LRP1B: variants seen among roughly 807,000 people sequenced by gnomAD.
LRP1B encodes low-density lipoprotein receptor-related protein 1B.
A neutral mutation model predicts 556.6 loss-of-function variants in LRP1B; 217 were observed. The ratio of observed to expected loss-of-function variants is 0.39; its 90% CI spans 0.35 to 0.44. The LOEUF (loss-of-function observed/expected upper bound fraction) is 0.44, where lower values mean the gene tolerates loss of function less well. Ranked by LOEUF, LRP1B falls within the 20% of genes least tolerant of loss-of-function variation. The probability of loss-of-function intolerance (pLI) is 1.00; values close to 1 mark genes in which losing one functional copy is unlikely to be tolerated. For missense variants in LRP1B, 5,053 were observed against 5,620.8 expected, an observed-to-expected ratio of 0.90 and a Z score of 3.23; for synonymous variants, 2,047 against 1,865.8, an observed-to-expected ratio of 1.10 and a Z score of -2.50.
At chr2:140,349,823 A>G (rs1349979256) in intron 77 of LRP1B, among the ~76,000 whole-genome samples, 1 of 152,148 alleles carries the variant, frequency 6.6e-6, no homozygotes, top group African/African-American at 2.4e-5. Flanking sequence ...ATGGATTTTT[A>G]CTCAAAGGTT....
intron 7 of LRP1B, 62 bp from the exon 8 acceptor site, chr2:141,062,335 C>T (rs1699359070): frequency 2.7e-6 from 3 of 1,107,796 alleles, no homozygotes; most frequent in Non-Finnish European, 3.9e-6. Context: ...TTTGATGGAG[C>T]CATCTGTAAA....
intron 51 of LRP1B, among the ~76,000 whole-genome samples, chr2:140,512,123 G>T (rs1373945477): frequency 6.6e-6 from 1 of 152,100 alleles, no homozygotes; most frequent in Non-Finnish European, 1.5e-5. Flanking sequence ...AAAGAGCCCC[G>T]ATTTGGCAGT....
chr2:141,046,391 G>A (rs1698870564), intron 11 of LRP1B, among the ~76,000 whole-genome samples: 1 of 152,052 alleles, frequency 6.6e-6, no homozygotes, highest in Non-Finnish European at 1.5e-5. Flanking sequence ...GTTGTCATTT[G>A]CCAAATCTAA....
chr2:142,096,409 A>G lies in LRP1B; in HGVS notation c.82+34239T>C, dbSNP rs1706369755. ...GGAGCAAGGTAAAGCTGTCACTTTC[A>G]TTATTCACATGACCACGAAAATAAA... On this transcript the variant is annotated intron_variant, in intron 1 of 90. Coordinates refer to ENST00000389484, the MANE Select transcript of LRP1B (RefSeq NM_018557.3). 2.0e-5 allele frequency among the ~76,000 whole-genome samples: 3 copies of G among 151,102 alleles called. No homozygotes were observed. The South Asian group carries it at 6.2e-4, about 31-fold the overall frequency.
intron 84 of LRP1B, among the ~76,000 whole-genome samples, chr2:140,291,490 G>A (rs1430844053): frequency 6.6e-6 from 1 of 151,154 alleles, no homozygotes; most frequent in African/African-American, 2.4e-5. Flanking sequence ...GCCCCGGTGT[G>A]TGATGTTCCC....
At chr2:140,867,177 G>T (rs570570142) in intron 27 of LRP1B, among the ~76,000 whole-genome samples, 1 of 152,106 alleles carries the variant, frequency 6.6e-6, no homozygotes, top group African/African-American at 2.4e-5. Context: ...GAACCAAAAG[G>T]TGAAATACGG....
chr2:140,448,478 A>G (rs1475973390), intron 63 of LRP1B, among the ~76,000 whole-genome samples: 1 of 152,114 alleles, frequency 6.6e-6, no homozygotes, highest in Non-Finnish European at 1.5e-5. Flanking sequence ...CCTGGAGGAC[A>G]TTATTTTATG....
At chr2:141,206,067 T>C (rs1008063827) in intron 6 of LRP1B, among the ~76,000 whole-genome samples, 2 of 151,970 alleles carry the variant, frequency 1.3e-5, no homozygotes, top group Non-Finnish European at 2.9e-5. Context: ...AGGAAAGATA[T>C]GAAATTGTCA....
intron 3 of LRP1B, among the ~76,000 whole-genome samples, chr2:141,413,991 G>A (rs1044508054): frequency 5.3e-5 from 8 of 152,130 alleles, no homozygotes; most frequent in Admixed American, 2.0e-4. Flanking sequence ...AGCACTTTGG[G>A]AGGCTGAGGT....
At chr2:141,655,408 A>G (rs1381898245) in intron 2 of LRP1B, among the ~76,000 whole-genome samples, 1 of 152,152 alleles carries the variant, frequency 6.6e-6, no homozygotes, top group Non-Finnish European at 1.5e-5. Context: ...TAAATAAAAA[A>G]CTTCCAATTT....
At chr2:141,006,861 T>C (rs1697590646) in intron 14 of LRP1B, among the ~76,000 whole-genome samples, 1 of 151,876 alleles carries the variant, frequency 6.6e-6, no homozygotes. Context: ...ACAGTAAAAA[T>C]ACATTATTAT....
At chr2:141,426,294 A>G (rs1473686835) in intron 3 of LRP1B, among the ~76,000 whole-genome samples, 4 of 151,950 alleles carry the variant, frequency 2.6e-5, no homozygotes, top group Non-Finnish European at 5.9e-5. Context: ...CTGTTTTGGT[A>G]CCAGTACCAT....
intron 3 of LRP1B, among the ~76,000 whole-genome samples, chr2:141,459,499 G>C (rs1681773387): frequency 6.6e-6 from 1 of 152,016 alleles, no homozygotes; most frequent in African/African-American, 2.4e-5. Context: ...AGTTGGAGAA[G>C]GAAGCAAGGT....
intron 1 of LRP1B, among the ~76,000 whole-genome samples, chr2:142,022,858 G>A (rs926180430): frequency 4.6e-5 from 7 of 151,880 alleles, no homozygotes; most frequent in Admixed American, 1.3e-4. Flanking sequence ...TTTTTTTTTA[G>A]TAGAGTCGGG....
intron 7 of LRP1B, among the ~76,000 whole-genome samples, chr2:141,074,589 C>A (rs201528225): frequency 0.048 from 6,601 of 136,426 alleles, 195 homozygotes; most frequent in Middle Eastern, 0.096. Flanking sequence ...CTCTCTCTCT[C>A]TATATATATA....
At chr2:140,374,201 A>G (rs1683121488) in intron 68 of LRP1B, among the ~76,000 whole-genome samples, 1 of 152,176 alleles carries the variant, frequency 6.6e-6, no homozygotes, top group African/African-American at 2.4e-5. Flanking sequence ...TTGAAGTGGA[A>G]TACTCTAATG....
chr2:140,320,002 G>C (rs1411276189), intron 82 of LRP1B, among the ~76,000 whole-genome samples: 1 of 152,072 alleles, frequency 6.6e-6, no homozygotes, highest in African/African-American at 2.4e-5. Flanking sequence ...TAACTAAAAT[G>C]AATGACTTAT....
intron 1 of LRP1B, among the ~76,000 whole-genome samples, chr2:141,988,216 T>C (rs754866120): frequency 6.6e-6 from 1 of 151,894 alleles, no homozygotes; most frequent in Non-Finnish European, 1.5e-5. Context: ...AGTCTTAAAA[T>C]GTAAGGTGAA....
At chr2:141,425,975 T>G (rs549749544) in intron 3 of LRP1B, among the ~76,000 whole-genome samples, 58 of 150,700 alleles carry the variant, frequency 3.8e-4, no homozygotes, top group African/African-American at 1.3e-3. Context: ...TTTTGGTGTT[T>G]TAGACATGAA....
Sources: gnomAD v4.1 joint callset for allele counts (sites outside exome capture counted in the v4.1 genomes callset) on GRCh38, gnomAD v4.1.1 for gene constraint, MANE v1.5 for transcripts, NCBI Gene and HGNC (gene_info 2026-07-23, HGNC 2026-07-21) for gene names.